DNER: variants seen among roughly 807,000 people sequenced by gnomAD.
DNER encodes delta/notch like EGF repeat containing.
DNER carries 33 observed loss-of-function variants against 78.2 expected under a neutral mutation model. That is an observed-to-expected ratio of 0.42 (90% CI 0.32 to 0.56). The LOEUF (loss-of-function observed/expected upper bound fraction) is 0.56. DNER is among the 20% of genes least tolerant of loss of function. The pLI, the probability that DNER is intolerant of heterozygous loss-of-function variation, is 0.11. For synonymous variants in DNER, 417 were observed against 384.8 expected (o/e 1.08, Z -0.98); for missense variants, 918 against 975.3 (o/e 0.94, Z 0.78).
At chr2:229,435,119 A>G (rs1694094933) in intron 8 of DNER, among the ~76,000 whole-genome samples, 1 of 152,164 alleles carries the variant, frequency 6.6e-6, no homozygotes, top group African/African-American at 2.4e-5. Flanking sequence ...GACATTGGCA[A>G]ACAACAGAAG....
At position 229,418,416 on chromosome 2, in the gene DNER, C is replaced by T. The variant is rs149047164; in HGVS notation, c.1487-186G>A. On this transcript the variant is annotated intron_variant, in intron 8 of 12. Coordinates refer to ENST00000341772, the MANE Select transcript of DNER (RefSeq NM_139072.4). ...ATTTGGGGGAAGGCTATGAAGAAAG[C>T]GCCTGTTCTTATCACACTTTTTCAT... Among the ~76,000 whole-genome samples the T allele has an allele frequency of 8.5e-4, 129 of 152,272 alleles. 1 individual carries two copies. Among genetic ancestry groups the T allele is most frequent in the Admixed American group, 3.7e-3 (56 of 15,292 alleles).
intron 1 of DNER, among the ~76,000 whole-genome samples, chr2:229,633,041 A>C (rs916906556): frequency 1.4e-4 from 22 of 152,236 alleles, no homozygotes; most frequent in Admixed American, 1.4e-3. Flanking sequence ...GATGTTGTAA[A>C]TTGGTACCCT....
At chr2:229,538,956 T>C (rs1234066717) in intron 5 of DNER, among the ~76,000 whole-genome samples, 2 of 152,242 alleles carry the variant, frequency 1.3e-5, no homozygotes, top group Admixed American at 1.3e-4. Flanking sequence ...CACTGCTTTC[T>C]TCCCTAGTGA....
At chr2:229,539,541 C>T (rs1355707555) in intron 5 of DNER, among the ~76,000 whole-genome samples, 1 of 152,170 alleles carries the variant, frequency 6.6e-6, no homozygotes, top group African/African-American at 2.4e-5. Flanking sequence ...CTAAATTCAC[C>T]GTTTACTTTC....
Position 229,714,311 on chromosome 2 carries a change from G to A in DNER, c.113C>T (p.Pro38Leu), listed in dbSNP as rs1197249588. Residue 38 changes from proline to leucine, a missense_variant, in exon 1 of 13, where the codon CCC (proline) becomes CTC (leucine). Physicochemically the swap from Pro to Leu is moderately conservative, Grantham distance 98. Coordinates refer to ENST00000341772, the MANE Select transcript of DNER (RefSeq NM_139072.4). ...CCCGGGCGCAGACAGGGGCGCGGCG[G>A]GCACCGGGTTGGCCAGGGAGCTGCC... ...PRGSSLANPV[P>L]AAPLSAPGPC... 1 of 1,296,654 alleles carries A rather than the reference G, an allele frequency of 7.7e-7. No individual in the cohort carries two copies. The highest frequency in any genetic ancestry group is 9.7e-7 in the Non-Finnish European group (1 of 1,027,532). 80.3% of individuals were successfully genotyped at this position (1,296,654 alleles called of 1,614,324 possible).
At chr2:229,451,432 G>T (rs1003253800) in intron 7 of DNER, among the ~76,000 whole-genome samples, 14 of 152,200 alleles carry the variant, frequency 9.2e-5, no homozygotes, top group Admixed American at 1.3e-4. Flanking sequence ...ACTACAGGCT[G>T]GGTGACAGAG....
chr2:229,481,999 C>T (rs552041518), intron 6 of DNER, among the ~76,000 whole-genome samples: 8 of 152,328 alleles, frequency 5.3e-5, no homozygotes, highest in Admixed American at 1.3e-4. Context: ...CACAAGAGTG[C>T]AGAAAATGTG....
chr2:229,508,401 T>C (rs1166050550), intron 6 of DNER, among the ~76,000 whole-genome samples: 2 of 152,190 alleles, frequency 1.3e-5, no homozygotes, highest in African/African-American at 4.8e-5. Context: ...AATGGAATTT[T>C]ATATGGCAGT....
At chr2:229,512,986 T>C (rs1421994919) in intron 5 of DNER, 50 bp from the exon 6 acceptor site, 29 of 1,573,466 alleles carry the variant, frequency 1.8e-5, no homozygotes, top group Non-Finnish European at 2.4e-5. Context: ...CTCTCAACAG[T>C]GTGCTTTGGC....
At chr2:229,465,216 G>A (rs564083745) in intron 7 of DNER, among the ~76,000 whole-genome samples, 2 of 152,330 alleles carry the variant, frequency 1.3e-5, no homozygotes, top group South Asian at 4.1e-4. Flanking sequence ...CAAAGAAAAT[G>A]TGGTACATAT....
chr2:229,617,673 G>C (rs1173108081), intron 1 of DNER, among the ~76,000 whole-genome samples: 3 of 152,158 alleles, frequency 2.0e-5, no homozygotes, highest in Non-Finnish European at 4.4e-5. Flanking sequence ...AGAAATTCAG[G>C]CTGGGCATGG....
At chr2:229,583,990 C>T (rs1234138472) in intron 4 of DNER, among the ~76,000 whole-genome samples, 1 of 152,174 alleles carries the variant, frequency 6.6e-6, no homozygotes, top group Non-Finnish European at 1.5e-5. Flanking sequence ...AAAAAAAGAA[C>T]TTCTCATCAG....
At chr2:229,573,088 G>A (rs1184258776) in intron 4 of DNER, among the ~76,000 whole-genome samples, 4 of 152,118 alleles carry the variant, frequency 2.6e-5, no homozygotes, top group African/African-American at 9.7e-5. Context: ...TTTTTATCAT[G>A]GAATGTTCCA....
At chr2:229,459,770 G>C (rs1280976317) in intron 7 of DNER, among the ~76,000 whole-genome samples, 1 of 152,002 alleles carries the variant, frequency 6.6e-6, no homozygotes, top group Non-Finnish European at 1.5e-5. Context: ...GATCAGCTGG[G>C]CATGGTGGTG....
At chr2:229,620,059 A>G (rs1698227977) in intron 1 of DNER, among the ~76,000 whole-genome samples, 1 of 152,178 alleles carries the variant, frequency 6.6e-6, no homozygotes, top group Non-Finnish European at 1.5e-5. Context: ...CACTTGAGAA[A>G]GCAGATTGAT....
At chr2:229,634,730 G>C (rs1559190170) in intron 1 of DNER, among the ~76,000 whole-genome samples, 1 of 152,130 alleles carries the variant, frequency 6.6e-6, no homozygotes, top group Non-Finnish European at 1.5e-5. Flanking sequence ...GCTTTACAAG[G>C]CTGCCGGCCC....
rs1254422764 is a variant in DNER, at chr2:229,395,829, C to T, written c.1724-7433G>A. 5.3e-5 allele frequency among the ~76,000 whole-genome samples: 8 copies of T among 152,094 alleles called. No homozygotes were observed. In the East Asian group the frequency reaches 9.7e-4, roughly 18 times the overall value. On this transcript the variant is annotated intron_variant, in intron 10 of 12. Transcript: ENST00000341772. Reference sequence around the variant, plus strand: ...AGGAGAATCACTTGAACCGGAGAGGCGGAGGTTGCAGTGAGCGGAGATGGC... The same window carrying T: ...AGGAGAATCACTTGAACCGGAGAGGTGGAGGTTGCAGTGAGCGGAGATGGC...
At chr2:229,485,588 C>T (rs1210235386) in intron 6 of DNER, among the ~76,000 whole-genome samples, 1 of 152,102 alleles carries the variant, frequency 6.6e-6, no homozygotes, top group Non-Finnish European at 1.5e-5. Context: ...AAAAAATCCC[C>T]CCACCAACCC....
chr2:229,657,712 C>G (rs1255978138), intron 1 of DNER, among the ~76,000 whole-genome samples: 1 of 152,178 alleles, frequency 6.6e-6, no homozygotes, highest in Non-Finnish European at 1.5e-5. Context: ...CTCTTTCAAC[C>G]TAGTTCTTGT....
Sources: allele counts gnomAD v4.1 joint callset (sites outside exome capture counted in the v4.1 genomes callset), GRCh38; gene constraint gnomAD v4.1.1; transcripts MANE v1.5; gene names NCBI Gene and HGNC (gene_info 2026-07-23, HGNC 2026-07-21).